Variants in COG5 observed in about 807,000 individuals in gnomAD.
The protein encoded by COG5 is conserved oligomeric Golgi complex subunit 5.
In COG5, 86 loss-of-function variants were observed where a neutral mutation model predicts 110.4. That is an observed-to-expected ratio of 0.78 (90% CI 0.65 to 0.93). The LOEUF is 0.93. Ranked by LOEUF, COG5 falls within the 40% of genes least tolerant of loss-of-function variation. COG5 has a pLI of 0.00. For synonymous variants in COG5, 360 were observed against 334.6 expected (o/e 1.08, Z -0.83); for missense variants, 1,077 against 987.0 (o/e 1.09, Z -1.22).
chr7:107,431,746 T>C (rs1020042040), intron 6 of COG5, among the ~76,000 whole-genome samples: 3 of 152,132 alleles, frequency 2.0e-5, no homozygotes, highest in African/African-American at 7.2e-5. Flanking sequence ...AGCCTCAGGA[T>C]ACTGAGGCTC....
intron 6 of COG5, among the ~76,000 whole-genome samples, chr7:107,516,586 G>A (rs1799940460): frequency 6.6e-6 from 1 of 152,230 alleles, no homozygotes; most frequent in South Asian, 2.1e-4. Flanking sequence ...CCCAACAGGA[G>A]TTGACAGACA....
intron 6 of COG5, among the ~76,000 whole-genome samples, chr7:107,436,335 A>G (rs1794366416): frequency 6.6e-6 from 1 of 152,234 alleles, no homozygotes; most frequent in Non-Finnish European, 1.5e-5. Flanking sequence ...ATTATGCTAA[A>G]TGAAATAAGC....
chr7:107,240,791 CA>C (rs1348271553), intron 17 of COG5, among the ~76,000 whole-genome samples: 1 of 152,156 alleles, frequency 6.6e-6, no homozygotes, highest in East Asian at 1.9e-4. Flanking sequence ...CAAGATTCTA[CA>C]AAGTAGGAAA....
Position 107,248,501 on chromosome 7 carries a change from T to TAAAAAAAAAAAAAAAAAAAA in COG5, c.1750-3_1750-2insTTTTTTTTTTTTTTTTTTTT. ...ATTTTCCATAAGAGCATGAATAGCC[T>TAAAAAAAAAAAAAAAAAAAA]AAAAAAAAAAAAGAAAGAAAAAAAA... is the stretch of plus-strand genomic sequence containing the variant. On this transcript the variant is annotated splice_region_variant and splice_polypyrimidine_tract_variant and intron_variant, in intron 16 of 21. Coordinates refer to ENST00000297135, the MANE Select transcript of COG5 (RefSeq NM_006348.5). The TAAAAAAAAAAAAAAAAAAAA allele has an allele frequency of 7.9e-7, 1 of 1,268,806 alleles. No individual in the cohort carries two copies. The highest frequency in any genetic ancestry group is 1.8e-5 in the African/African-American group (1 of 56,650). 78.6% of individuals were successfully genotyped at this position (1,268,806 alleles called of 1,614,324 possible). A position where few individuals can be genotyped will look rare whatever the true frequency, so the allele number is the denominator to read the frequency against.
intron 17 of COG5, among the ~76,000 whole-genome samples, chr7:107,240,909 C>A (rs1248584345): frequency 2.6e-5 from 4 of 152,176 alleles, no homozygotes; most frequent in Admixed American, 1.3e-4. Flanking sequence ...CTGCTGTATA[C>A]ATGAATCTCA....
chr7:107,508,112 G>C (rs1268034984), intron 6 of COG5, among the ~76,000 whole-genome samples: 1 of 152,216 alleles, frequency 6.6e-6, no homozygotes, highest in African/African-American at 2.4e-5. Flanking sequence ...AAGGGGTCAG[G>C]GAGTTCCCTT....
chr7:107,497,022 C>A (rs1158592030), intron 6 of COG5, among the ~76,000 whole-genome samples: 2 of 151,842 alleles, frequency 1.3e-5, no homozygotes, highest in African/African-American at 4.8e-5. Flanking sequence ...CCAGCCTGGA[C>A]AACATAGCGA....
chr7:107,429,390 C>A (rs1793860494), intron 6 of COG5, among the ~76,000 whole-genome samples: 1 of 151,168 alleles, frequency 6.6e-6, no homozygotes, highest in Admixed American at 6.6e-5. Context: ...TACTGACCAC[C>A]TTTTCATGTG....
intron 2 of COG5, among the ~76,000 whole-genome samples, chr7:107,557,396 C>G (rs902852618): frequency 6.6e-6 from 1 of 152,224 alleles, no homozygotes; most frequent in Non-Finnish European, 1.5e-5. Flanking sequence ...TCAAAGTTAT[C>G]TACTACAGTC....
rs747083048 is a variant in COG5, at chr7:107,548,117, T to C, written c.411A>G (p.Arg137=). The change falls in exon 5 of 22, where the codon AGA becomes AGG. Residue 137 remains arginine (R), a synonymous_variant. Coordinates refer to ENST00000297135, the MANE Select transcript of COG5 (RefSeq NM_006348.5). ...AATAAAAGTAAGAAACTACCTGAAGTCTTGCTAGTTGTGCAGTCCGGGCAA... is the reference window on the plus strand; with the variant it reads ...AATAAAAGTAAGAAACTACCTGAAGCCTTGCTAGTTGTGCAGTCCGGGCAA... The part of the protein sequence containing the change: ...KIVARTAQLA[R]LQVACDLLRR... 6.2e-7 allele frequency: 1 copy of C among 1,613,070 alleles called. No individual in the cohort carries two copies. Among genetic ancestry groups the C allele is most frequent in the Admixed American group, 1.7e-5 (1 of 60,012 alleles).
At chr7:107,463,217 T>C (rs1796106298) in intron 6 of COG5, among the ~76,000 whole-genome samples, 8 of 152,246 alleles carry the variant, frequency 5.3e-5, no homozygotes, top group Admixed American at 5.2e-4. Flanking sequence ...TTCTACTTCA[T>C]GGAACGCCAA....
At chr7:107,379,751 C>G (rs1299094784) in intron 7 of COG5, among the ~76,000 whole-genome samples, 1 of 152,042 alleles carries the variant, frequency 6.6e-6, no homozygotes, top group Non-Finnish European at 1.5e-5. Flanking sequence ...TATATATGCA[C>G]CCAGTACAGG....
Position 107,201,479 on chromosome 7 carries a change from C to G in COG5, c.*2037G>C, listed in dbSNP as rs752989307. On this transcript the variant is annotated 3_prime_UTR_variant, in exon 22 of 22. Coordinates refer to ENST00000297135, the MANE Select transcript of COG5 (RefSeq NM_006348.5). ...GTCTATATTTGCATATACATTGACT[C>G]TTGATGGAAAGACTTAAGAAGATCA... The G allele has an allele frequency of 5.6e-6, 7 of 1,250,554 alleles. No individual in the cohort carries two copies. Among genetic ancestry groups the G allele is most frequent in the Non-Finnish European group, 8.2e-6 (7 of 854,794 alleles). The allele number at this position is 1,250,554 out of a possible 1,614,324, so 77.5% of individuals were successfully genotyped here. A position where few individuals can be genotyped will look rare whatever the true frequency, so the allele number is the denominator to read the frequency against.
At chr7:107,209,111 G>C (rs1390119555) in intron 21 of COG5, 2 of 985,370 alleles carry the variant, frequency 2.0e-6, no homozygotes, top group South Asian at 4.7e-5. Context: ...GCCCCACTCT[G>C]GCTTTAGGGA....
In COG5 at chr7:107,399,601, A is replaced by G. The variant is rs566311019; in HGVS notation, c.669+12901T>C. 3.9e-5 allele frequency among the ~76,000 whole-genome samples: 6 copies of G among 152,308 alleles called. No individual in the cohort carries two copies. In the East Asian group the frequency reaches 5.8e-4, roughly 15 times the overall value. Reference sequence around the variant, plus strand: ...CTGAGGCCTCCCCAGTTCTGCGGAAATATGAGTCAATTAAACCTCTTTTCT... The same window carrying G: ...CTGAGGCCTCCCCAGTTCTGCGGAAGTATGAGTCAATTAAACCTCTTTTCT... On this transcript the variant is annotated intron_variant, in intron 7 of 21. Transcript: ENST00000297135.
Position 107,201,754 on chromosome 7 carries a change from A to ATGTT in COG5, c.*1758_*1761dup. The ATGTT allele has an allele frequency of 4.0e-6, 1 of 253,036 alleles. No individual in the cohort carries two copies. Among genetic ancestry groups the ATGTT allele is most frequent in the Non-Finnish European group, 7.5e-6 (1 of 133,658 alleles). The allele number at this position is 253,036 out of a possible 1,614,324, so 15.7% of individuals were successfully genotyped here. A position where few individuals can be genotyped will look rare whatever the true frequency, so the allele number is the denominator to read the frequency against. ...GTAGAAAGAGAGGAGAAGTGTATACATGTTTTATTTTAAATTGTACGAAAG... is the reference window on the plus strand; with the variant it reads ...GTAGAAAGAGAGGAGAAGTGTATACATGTTTGTTTTATTTTAAATTGTACGAAAG... On this transcript the variant is annotated 3_prime_UTR_variant, in exon 22 of 22. Coordinates refer to ENST00000297135, the MANE Select transcript of COG5 (RefSeq NM_006348.5).
At chr7:107,497,454 A>T (rs1798351799) in intron 6 of COG5, among the ~76,000 whole-genome samples, 1 of 152,228 alleles carries the variant, frequency 6.6e-6, no homozygotes. Context: ...AAGTTGCAGA[A>T]TACAAAATCA....
Position 107,252,475 on chromosome 7 carries a change from G to A in COG5, c.1750-3976C>T, listed in dbSNP as rs113518154. On this transcript the variant is annotated intron_variant, in intron 16 of 21. Coordinates refer to ENST00000297135, the MANE Select transcript of COG5 (RefSeq NM_006348.5). ...TGAATTCTACTAAACACTTGAGGAA[G>A]AAAAACAAAAACAAAAACAAATTCT... Among the ~76,000 whole-genome samples the A allele has an allele frequency of 3.8e-3, 574 of 152,034 alleles. 5 individuals carry two copies. Among genetic ancestry groups the A allele is most frequent in the African/African-American group, 0.013 (544 of 41,478 alleles).
intron 6 of COG5, among the ~76,000 whole-genome samples, chr7:107,509,799 A>G (rs1036972057): frequency 6.6e-6 from 1 of 152,212 alleles, no homozygotes; most frequent in Non-Finnish European, 1.5e-5. Flanking sequence ...CAGCCAAACT[A>G]AGCTTCATAA....
Sources: allele counts gnomAD v4.1 joint callset (sites outside exome capture counted in the v4.1 genomes callset), GRCh38; gene constraint gnomAD v4.1.1; transcripts MANE v1.5; gene names NCBI Gene and HGNC (gene_info 2026-07-23, HGNC 2026-07-21).